CIMIP6: variants seen among roughly 807,000 people sequenced by gnomAD.
The protein encoded by CIMIP6 is ciliary microtubule inner protein 6, also known as uncharacterized protein C2orf73.
chr2:54,358,816 C>A, the CIMIP6 span: 1 of 480,566 alleles, frequency 2.1e-6, no homozygotes, highest in Admixed American at 4.3e-5. Context: ...TGAATCCATT[C>A]TATTTATTAT....
At chr2:54,342,138 T>C in the CIMIP6 span, among the ~76,000 whole-genome samples, 1 of 152,224 alleles carries the variant, frequency 6.6e-6, no homozygotes, top group Non-Finnish European at 1.5e-5. Context: ...AATTTGTCAT[T>C]GGCCTAAAAA....
the CIMIP6 span, chr2:54,361,645 A>G: frequency 2.0e-5 from 3 of 152,130 alleles, no homozygotes; most frequent in Non-Finnish European, 2.9e-5. Context: ...ATATATCTCC[A>G]ATGTATATCT....
At chr2:54,382,905 T>A in the CIMIP6 span, 5 of 152,348 alleles carry the variant, frequency 3.3e-5, no homozygotes, top group African/African-American at 1.2e-4. Context: ...TTGGACATAG[T>A]GATTCTCTTC....
At chr2:54,376,266 A>G in the CIMIP6 span, among the ~76,000 whole-genome samples, 4 of 151,388 alleles carry the variant, frequency 2.6e-5, no homozygotes, top group African/African-American at 9.7e-5. Context: ...CTGGTCTGCA[A>G]CCCTCCCAAA....
At chr2:54,359,649 CA>C in the CIMIP6 span, among the ~76,000 whole-genome samples, 1 of 151,496 alleles carries the variant, frequency 6.6e-6, no homozygotes, top group South Asian at 2.1e-4. Context: ...AGCAGTTTGA[CA>C]AATGTTTTGA....
At chr2:54,354,696 T>G in the CIMIP6 span, among the ~76,000 whole-genome samples, 2 of 152,124 alleles carry the variant, frequency 1.3e-5, no homozygotes, top group African/African-American at 4.8e-5. Flanking sequence ...GTCTGTTTAC[T>G]TTGCCATACT....
chr2:54,336,955 G>A, the CIMIP6 span, among the ~76,000 whole-genome samples: 1 of 152,326 alleles, frequency 6.6e-6, no homozygotes, highest in East Asian at 1.9e-4. Flanking sequence ...CTGAGAGCAG[G>A]ATTCTATGAG....
chr2:54,335,563 C>T, the CIMIP6 span, among the ~76,000 whole-genome samples: 1 of 152,160 alleles, frequency 6.6e-6, no homozygotes, highest in Admixed American at 6.5e-5. Flanking sequence ...ATATTTCTGT[C>T]CCAGGGCTGT....
the CIMIP6 span, among the ~76,000 whole-genome samples, chr2:54,376,359 C>T: frequency 2.0e-5 from 3 of 152,120 alleles, no homozygotes; most frequent in African/African-American, 7.2e-5. Flanking sequence ...AAATAAAATC[C>T]AAAGACATCC....
chr2:54,382,683 A>G, the CIMIP6 span, among the ~76,000 whole-genome samples: 1 of 152,266 alleles, frequency 6.6e-6, no homozygotes, highest in South Asian at 2.1e-4. Context: ...TTTCTACCCC[A>G]TATTCCATTC....
the CIMIP6 span, among the ~76,000 whole-genome samples, chr2:54,331,765 A>G: frequency 6.6e-6 from 1 of 151,928 alleles, no homozygotes; most frequent in Non-Finnish European, 1.5e-5. Context: ...GATGTACCTT[A>G]AATTGAGACT....
At chr2:54,363,305 T>A in the CIMIP6 span, among the ~76,000 whole-genome samples, 36 of 152,228 alleles carry the variant, frequency 2.4e-4, no homozygotes, top group Non-Finnish European at 4.1e-4. Flanking sequence ...ATGATTTGTC[T>A]GATGAGCTCT....
the CIMIP6 span, among the ~76,000 whole-genome samples, chr2:54,349,849 CTT>C: frequency 4.0e-4 from 55 of 137,876 alleles, no homozygotes; most frequent in Non-Finnish European, 4.4e-4. Context: ...AAAAAGAAAT[CTT>C]TTTTTTTTTT....
At chr2:54,384,066 A>G in the CIMIP6 span, among the ~76,000 whole-genome samples, 1 of 152,214 alleles carries the variant, frequency 6.6e-6, no homozygotes, top group African/African-American at 2.4e-5. Context: ...AGTCTTTGGT[A>G]TTCTGTTATA....
At chr2:54,335,046 T>C in the CIMIP6 span, 1 of 1,543,146 alleles carries the variant, frequency 6.5e-7, no homozygotes. Flanking sequence ...GTTCATTGTA[T>C]ACAAATAGAG....
the CIMIP6 span, chr2:54,383,673 A>AT: frequency 2.0e-5 from 3 of 149,792 alleles, no homozygotes; most frequent in East Asian, 4.0e-4. Flanking sequence ...GCGTAAATAT[A>AT]TTTTTTCATT....
the CIMIP6 span, among the ~76,000 whole-genome samples, chr2:54,353,641 A>G: frequency 6.6e-6 from 1 of 152,130 alleles, no homozygotes; most frequent in Non-Finnish European, 1.5e-5. Flanking sequence ...AGATTATTGC[A>G]TGCCTTTCGT....
the CIMIP6 span, among the ~76,000 whole-genome samples, chr2:54,339,111 G>A: frequency 6.9e-5 from 5 of 72,932 alleles, 2 homozygotes; most frequent in Admixed American, 4.0e-4. Context: ...AGCCAAGATC[G>A]TGCCACTGGA....
the CIMIP6 span, among the ~76,000 whole-genome samples, chr2:54,362,799 A>G: frequency 1.3e-5 from 2 of 152,142 alleles, no homozygotes; most frequent in African/African-American, 4.8e-5. Context: ...TGCCTACCTC[A>G]GCCTCCCACA....
Sources: allele counts gnomAD v4.1 joint callset (sites outside exome capture counted in the v4.1 genomes callset), GRCh38; gene constraint gnomAD v4.1.1; transcripts MANE v1.5; gene names NCBI Gene and HGNC (gene_info 2026-07-23, HGNC 2026-07-21).